GPC6: variants seen among roughly 807,000 people sequenced by gnomAD.
The protein encoded by GPC6 is glypican-6.
GPC6 carries 14 observed loss-of-function variants against 55.2 expected under a neutral mutation model. That is an observed-to-expected ratio of 0.25 (90% CI 0.17 to 0.40). The LOEUF (loss-of-function observed/expected upper bound fraction) is 0.40, where lower values mean the gene tolerates loss of function less well. GPC6 is among the 10% of genes least tolerant of loss of function. The pLI, the probability that GPC6 is intolerant of heterozygous loss-of-function variation, is 1.00. For missense variants in GPC6, 641 were observed against 708.5 expected, an observed-to-expected ratio of 0.90 and a Z score of 1.08; for synonymous variants, 278 against 259.6, an observed-to-expected ratio of 1.07 and a Z score of -0.68.
At chr13:93,891,899 G>A (rs1246251305) in intron 3 of GPC6, among the ~76,000 whole-genome samples, 1 of 151,478 alleles carries the variant, frequency 6.6e-6, no homozygotes, top group Admixed American at 6.6e-5. Flanking sequence ...TGTGTATAGT[G>A]TGTGTATGGG....
intron 1 of GPC6, among the ~76,000 whole-genome samples, chr13:93,532,963 T>A (rs7987709): frequency 0.18 from 27,119 of 152,154 alleles, 2,782 homozygotes; most frequent in East Asian, 0.3. Context: ...ACAATAATAC[T>A]GGTAGTTTGA....
intron 2 of GPC6, among the ~76,000 whole-genome samples, chr13:93,712,570 A>G (rs962069672): frequency 1.3e-5 from 2 of 151,776 alleles, no homozygotes; most frequent in African/African-American, 2.4e-5. Flanking sequence ...TGAATAAAAT[A>G]GAAGACTGTG....
At chr13:93,883,130 A>G (rs1399868255) in intron 3 of GPC6, among the ~76,000 whole-genome samples, 1 of 150,724 alleles carries the variant, frequency 6.6e-6, no homozygotes, top group Non-Finnish European at 1.5e-5. Context: ...TCTGTTCAAT[A>G]TGCACTGCTC....
chr13:93,243,806 A>G (rs1876515349), intron 1 of GPC6, among the ~76,000 whole-genome samples: 1 of 152,128 alleles, frequency 6.6e-6, no homozygotes, highest in South Asian at 2.1e-4. Flanking sequence ...GCACTGTGTT[A>G]CTGTGTCAGA....
At chr13:93,388,347 G>A (rs1396594489) in intron 1 of GPC6, among the ~76,000 whole-genome samples, 1 of 152,166 alleles carries the variant, frequency 6.6e-6, no homozygotes, top group Non-Finnish European at 1.5e-5. Flanking sequence ...GTCTCAGTGT[G>A]CCTGGCCCAT....
chr13:94,013,893 C>T (rs1594666438), intron 3 of GPC6, among the ~76,000 whole-genome samples: 1 of 152,096 alleles, frequency 6.6e-6, no homozygotes, highest in African/African-American at 2.4e-5. Flanking sequence ...TCCTTTTATC[C>T]CAGACTCAGA....
chr13:93,480,236 A>C (rs1423463145), intron 1 of GPC6, among the ~76,000 whole-genome samples: 1 of 152,188 alleles, frequency 6.6e-6, no homozygotes, highest in Non-Finnish European at 1.5e-5. Flanking sequence ...TGTTTCTTTA[A>C]TATTGTTCTC....
At chr13:93,334,563 A>G (rs1282132605) in intron 1 of GPC6, among the ~76,000 whole-genome samples, 1 of 152,086 alleles carries the variant, frequency 6.6e-6, no homozygotes, top group Non-Finnish European at 1.5e-5. Context: ...CCTGGGTTCA[A>G]GCGATTCCCC....
intron 1 of GPC6, among the ~76,000 whole-genome samples, chr13:93,372,169 A>C (rs976781036): frequency 6.6e-6 from 1 of 152,180 alleles, no homozygotes; most frequent in African/African-American, 2.4e-5. Context: ...GAGGCTTTAT[A>C]GTAGATATGT....
chr13:93,566,380 C>G (rs1183821455), intron 2 of GPC6, among the ~76,000 whole-genome samples: 1 of 152,146 alleles, frequency 6.6e-6, no homozygotes, highest in Non-Finnish European at 1.5e-5. Context: ...ATAAATTTCA[C>G]TCTATTAAAT....
At position 93,227,417 on chromosome 13, in the gene GPC6, C is replaced by T; in HGVS notation, c.-40C>T. On this transcript the variant is annotated 5_prime_UTR_variant, in exon 1 of 9. Transcript: ENST00000377047. This position sits in a 1 kb window ranked among gnomAD's most constrained non-coding sequence, Gnocchi z 4.3. ...TTGAGGGGCAAGGTGAAGAGCGCAC[C>T]GGCCGTGGGGTTTACCGAGCTGGAT... 6.2e-7 allele frequency: 1 copy of T among 1,606,674 alleles called. No individual in the cohort carries two copies. Among genetic ancestry groups the T allele is most frequent in the African/African-American group, 1.3e-5 (1 of 74,870 alleles).
intron 4 of GPC6, among the ~76,000 whole-genome samples, chr13:94,218,094 A>G (rs1239389858): frequency 6.6e-6 from 1 of 152,190 alleles, no homozygotes; most frequent in African/African-American, 2.4e-5. Flanking sequence ...ATAGACACAT[A>G]AAATGCTCTC....
intron 1 of GPC6, among the ~76,000 whole-genome samples, chr13:93,433,276 C>T (rs1877438701): frequency 6.6e-6 from 1 of 152,084 alleles, no homozygotes; most frequent in Admixed American, 6.6e-5. Flanking sequence ...ATGAATTACC[C>T]CTGCTGGTGG....
chr13:93,731,275 T>C (rs1439142432), intron 2 of GPC6, among the ~76,000 whole-genome samples: 2 of 152,180 alleles, frequency 1.3e-5, no homozygotes, highest in African/African-American at 2.4e-5. Flanking sequence ...AACAGGAATA[T>C]GGTAGCCACA....
chr13:93,723,975 G>A (rs1883541555), intron 2 of GPC6, among the ~76,000 whole-genome samples: 2 of 151,814 alleles, frequency 1.3e-5, no homozygotes, highest in African/African-American at 4.8e-5. Flanking sequence ...TCATATTTGT[G>A]TTTTACTCCT....
intron 2 of GPC6, among the ~76,000 whole-genome samples, chr13:93,636,068 A>T (rs982359275): frequency 6.6e-6 from 1 of 152,184 alleles, no homozygotes; most frequent in African/African-American, 2.4e-5. Context: ...GGATAGAAAA[A>T]AATGGGCAAT....
At chr13:93,366,485 A>G (rs778955010) in intron 1 of GPC6, among the ~76,000 whole-genome samples, 1 of 152,048 alleles carries the variant, frequency 6.6e-6, no homozygotes, top group African/African-American at 2.4e-5. Context: ...TTGCAGCTCA[A>G]TTTCCTTTCT....
intron 4 of GPC6, among the ~76,000 whole-genome samples, chr13:94,189,962 A>G (rs985496311): frequency 1.3e-5 from 2 of 150,672 alleles, no homozygotes; most frequent in Non-Finnish European, 3.0e-5. Flanking sequence ...CGGAGCTTGC[A>G]GTGATCCGAG....
intron 7 of GPC6, among the ~76,000 whole-genome samples, chr13:94,387,381 C>G (rs1203175460): frequency 6.6e-6 from 1 of 152,174 alleles, no homozygotes. Context: ...ATTCTGAAAA[C>G]AAGAATGGGT....
Sources: allele counts gnomAD v4.1 joint callset (sites outside exome capture counted in the v4.1 genomes callset), GRCh38; gene constraint gnomAD v4.1.1; non-coding constraint Gnocchi (gnomAD v3.1); transcripts MANE v1.5; gene names NCBI Gene and HGNC (gene_info 2026-07-23, HGNC 2026-07-21).